Variants in CCR6 observed in about 807,000 individuals in gnomAD.
CCR6 encodes the protein C-C motif chemokine receptor 6.
In CCR6, 2 loss-of-function variants were observed where a neutral mutation model predicts 3.0. That is an observed-to-expected ratio of 0.66 (90% CI 0.27 to 2.07). The LOEUF (loss-of-function observed/expected upper bound fraction) is 2.07. Ranked by LOEUF, CCR6 falls within the 30% of genes most tolerant of loss-of-function variation. The pLI is 0.14. For synonymous variants in CCR6, 193 were observed against 184.3 expected (o/e 1.05, Z -0.38); for missense variants, 322 against 462.8 (o/e 0.70, Z 2.79).
chr6:167,118,811 T>C (rs1366813695), upstream of CCR6, among the ~76,000 whole-genome samples: 2 of 152,134 alleles, frequency 1.3e-5, no homozygotes, highest in East Asian at 1.9e-4. Flanking sequence ...CCAGGGCCCC[T>C]GGGCCTTTAG....
At chr6:167,125,902 A>C (rs1178248187) in intron 1 of CCR6, among the ~76,000 whole-genome samples, 1 of 152,228 alleles carries the variant, frequency 6.6e-6, no homozygotes, top group Admixed American at 6.5e-5. Context: ...TTCTGGAATT[A>C]AGTTTTTATT....
At chr6:167,131,883 A>C (rs759630463) in intron 1 of CCR6, among the ~76,000 whole-genome samples, 1 of 152,174 alleles carries the variant, frequency 6.6e-6, no homozygotes, top group Non-Finnish European at 1.5e-5. Context: ...GAAGGGTACA[A>C]TTCAACAGGT....
At chr6:167,117,541 C>G (rs183864174) in intron 1 of CCR6, among the ~76,000 whole-genome samples, 16 of 151,114 alleles carry the variant, frequency 1.1e-4, no homozygotes, top group Admixed American at 7.3e-4. Flanking sequence ...CTCAGCCTCC[C>G]GAGTAGCTGG....
chr6:167,136,439 C>T lies in CCR6; in HGVS notation c.209C>T (p.Thr70Ile). 4 of 1,610,450 alleles carry T rather than the reference C, an allele frequency of 2.5e-6. No individual in the cohort carries two copies. Among genetic ancestry groups the T allele is most frequent in the African/African-American group, 2.7e-5 (2 of 74,850 alleles). ...GLLGNILVVI[T>I]FAFYKKARSM... ...CTGGGGAATATTCTGGTGGTGATCA[C>T]CTTTGCTTTTTATAAGAAGGCCAGG... The change falls in exon 3 of 3, where the codon ACC (threonine) becomes ATC (isoleucine). Residue 70 changes from threonine (T) to isoleucine (I), a missense_variant. Coordinates refer to ENST00000341935, the MANE Select transcript of CCR6 (RefSeq NM_031409.4). This position sits in a 1 kb window ranked among gnomAD's most constrained non-coding sequence, Gnocchi z 4.6.
upstream of CCR6, chr6:167,121,433 C>G (rs905205944): frequency 2.0e-5 from 3 of 152,228 alleles, no homozygotes; most frequent in African/African-American, 7.2e-5. Context: ...CTAAGCAAGA[C>G]CATCCAAGGG....
chr6:167,129,102 G>A lies in CCR6; in HGVS notation c.-98+5879G>A, dbSNP rs142883079. 9.8e-5 allele frequency among the ~76,000 whole-genome samples: 15 copies of A among 152,294 alleles called. No individual in the cohort carries two copies. The East Asian group carries it at 2.5e-3, about 25-fold the overall frequency. On this transcript the variant is annotated intron_variant, in intron 1 of 2. Coordinates refer to ENST00000341935, the MANE Select transcript of CCR6 (RefSeq NM_031409.4). ...AATGGGCAGGACACAGCTGAAGGCC[G>A]AAATCAGTGCAGTGTCCATAGGGCC... is the stretch of plus-strand genomic sequence containing the variant.
intron 1 of CCR6, among the ~76,000 whole-genome samples, chr6:167,135,553 G>T (rs866072975): frequency 5.3e-5 from 8 of 152,204 alleles, no homozygotes; most frequent in African/African-American, 1.7e-4. Flanking sequence ...TATTGTGAAC[G>T]ATTTAAAGCC....
chr6:167,136,492 A>G lies in CCR6; in HGVS notation c.262A>G (p.Met88Val), dbSNP rs2114939652. Reference sequence around the variant, plus strand: ...TATGACAGACGTCTATCTCTTGAACATGGCCATTGCAGACATCCTCTTTGT... The same window carrying G: ...TATGACAGACGTCTATCTCTTGAACGTGGCCATTGCAGACATCCTCTTTGT... ...RSMTDVYLLN[M>V]AIADILFVLT... The change falls in exon 3 of 3, where the codon ATG becomes GTG. Residue 88 changes from methionine (M) to valine (V), a missense_variant. By Grantham distance (21) the Met-to-Val change is conservative. Coordinates refer to ENST00000341935, the MANE Select transcript of CCR6 (RefSeq NM_031409.4). This position sits in a 1 kb window ranked among gnomAD's most constrained non-coding sequence, Gnocchi z 4.6. 6.3e-7 allele frequency: 1 copy of G among 1,593,530 alleles called. No individual in the cohort carries two copies. The highest frequency in any genetic ancestry group is 8.6e-7 in the Non-Finnish European group (1 of 1,169,266).
chr6:167,120,040 G>A (rs770159461), upstream of CCR6, among the ~76,000 whole-genome samples: 4 of 151,998 alleles, frequency 2.6e-5, no homozygotes, highest in African/African-American at 7.3e-5. Context: ...AGTTTTGTGC[G>A]CACAATGAGA....
At chr6:167,133,936 A>G (rs958423101) in intron 1 of CCR6, among the ~76,000 whole-genome samples, 977 of 27,584 alleles carry the variant, frequency 0.035, 41 homozygotes, top group African/African-American at 0.062. Flanking sequence ...ATGTGTGTAT[A>G]TATATATATA....
rs948529717 is a variant in CCR6 at position 167,130,141 on chromosome 6, G to A, written c.-97-5897G>A. ...ATTTAATGACATCAAAGTGAGATCT[G>A]GTGAGAATGGTGGTCATAGGGACCA... On this transcript the variant is annotated intron_variant, in intron 1 of 2. Transcript: ENST00000341935. Among the ~76,000 whole-genome samples the A allele has an allele frequency of 8.6e-5, 13 of 151,716 alleles. 1 individual carries two copies. Among genetic ancestry groups the A allele is most frequent in the African/African-American group, 2.9e-4 (12 of 41,008 alleles).
intron 1 of CCR6, among the ~76,000 whole-genome samples, chr6:167,112,467 C>T (rs988968417): frequency 2.0e-5 from 3 of 152,144 alleles, no homozygotes; most frequent in Admixed American, 2.0e-4. Flanking sequence ...ACATTGGAAA[C>T]GCTCTAATAG....
chr6:167,118,882 C>T (rs1421352372), upstream of CCR6, among the ~76,000 whole-genome samples: 1 of 152,160 alleles, frequency 6.6e-6, no homozygotes, highest in Non-Finnish European at 1.5e-5. Flanking sequence ...GCTGGACGCC[C>T]TTGGTCCCGG....
At chr6:167,121,764 C>G (rs985596853), upstream of CCR6, among the ~76,000 whole-genome samples, 5 of 152,130 alleles carry the variant, frequency 3.3e-5, no homozygotes, top group Admixed American at 2.6e-4. Context: ...AGGAAAACAG[C>G]CAGGACTTAG....
Position 167,136,538 on chromosome 6 carries a change from C to T in CCR6, c.308C>T (p.Ala103Val). 1 of 1,594,476 alleles carries T rather than the reference C, an allele frequency of 6.3e-7. No individual in the cohort carries two copies. The highest frequency in any genetic ancestry group is 2.2e-5 in the East Asian group (1 of 44,714). ...ILFVLTLPFW[A>V]VSHATGAWVF... ...TTTGTTCTTACTCTCCCATTCTGGG[C>T]AGTGAGTCATGCCACCGGTGCGTGG... The change falls in exon 3 of 3, where the codon GCA (alanine) becomes GTA (valine). Residue 103 changes from alanine (A) to valine (V), a missense_variant. Ala to Val is a moderately conservative substitution (Grantham distance 64). Transcript: ENST00000341935. This position sits in a 1 kb window ranked among gnomAD's most constrained non-coding sequence, Gnocchi z 4.6.
At chr6:167,120,861 T>C (rs1781574742), upstream of CCR6, 1 of 152,222 alleles carries the variant, frequency 6.6e-6, no homozygotes, top group Admixed American at 6.5e-5. Flanking sequence ...ATCTTTAATA[T>C]AGGGGCATTT....
Position 167,137,386 on chromosome 6 carries a change from G to A in CCR6, c.*31G>A. ...AGCTGAGTCTCCCTAAGGCATGTGT[G>A]AAACATACTCATAGATGTTATGCAA... On this transcript the variant is annotated 3_prime_UTR_variant, in exon 3 of 3. Coordinates refer to ENST00000341935, the MANE Select transcript of CCR6 (RefSeq NM_031409.4). This position sits in a 1 kb window ranked among gnomAD's most constrained non-coding sequence, Gnocchi z 4.6. 6.4e-7 allele frequency: 1 copy of A among 1,570,216 alleles called. No individual in the cohort carries two copies. The highest frequency in any genetic ancestry group is 1.2e-5 in the South Asian group (1 of 83,728).
chr6:167,133,125 A>C (rs1781795855), intron 1 of CCR6, among the ~76,000 whole-genome samples: 1 of 152,214 alleles, frequency 6.6e-6, no homozygotes, highest in Non-Finnish European at 1.5e-5. Context: ...CATTTTGTAC[A>C]ATCAAGTACA....
In CCR6 at chr6:167,137,292, A is replaced by G; in HGVS notation, c.1062A>G (p.Glu354=). 6.2e-7 allele frequency: 1 copy of G among 1,614,166 alleles called. No individual in the cohort carries two copies. Among genetic ancestry groups the G allele is most frequent in the Non-Finnish European group, 8.5e-7 (1 of 1,180,038 alleles). The change falls in exon 3 of 3, where the codon GAA becomes GAG. Residue 354 remains glutamate (E), a synonymous_variant. Transcript: ENST00000341935. The surrounding 1 kb of genome is among the most constrained non-coding windows in gnomAD (Gnocchi z 4.6). ...SGFSCAGRYS[E]NISRQTSETA... ...TCTCCTGTGCCGGGAGGTACTCAGA[A>G]AACATTTCTCGGCAGACCAGTGAGA...
Sources: allele counts gnomAD v4.1 joint callset (sites outside exome capture counted in the v4.1 genomes callset), GRCh38; gene constraint gnomAD v4.1.1; non-coding constraint Gnocchi (gnomAD v3.1); transcripts MANE v1.5; gene names NCBI Gene and HGNC (gene_info 2026-07-23, HGNC 2026-07-21).